Variants in CPVL observed in about 807,000 individuals in gnomAD.
The protein encoded by CPVL is probable serine carboxypeptidase CPVL.
A neutral mutation model predicts 63.7 loss-of-function variants in CPVL; 51 were observed. The ratio of observed to expected loss-of-function variants is 0.80; its 90% CI spans 0.64 to 1.01. The LOEUF (loss-of-function observed/expected upper bound fraction) is 1.01, where lower values mean the gene tolerates loss of function less well. Ranked by LOEUF, CPVL falls within the 50% of genes least tolerant of loss-of-function variation. The pLI is 0.00. For missense variants in CPVL, 530 were observed against 573.1 expected (o/e 0.92, Z 0.77); for synonymous variants, 195 against 206.0 (o/e 0.95, Z 0.46).
intron 3 of CPVL, among the ~76,000 whole-genome samples, chr7:29,105,468 C>G (rs2128623194): frequency 6.6e-6 from 1 of 152,270 alleles, no homozygotes; most frequent in Non-Finnish European, 1.5e-5. Context: ...TGGTCTCAGA[C>G]AGAATAGGGC....
intron 7 of CPVL, among the ~76,000 whole-genome samples, chr7:29,076,693 C>T (rs2128583292): frequency 6.6e-6 from 1 of 152,288 alleles, no homozygotes. Context: ...ATTTCGAGCT[C>T]ACCTCCAACA....
intron 7 of CPVL, among the ~76,000 whole-genome samples, chr7:29,077,842 C>T (rs1466799537): frequency 1.3e-5 from 2 of 152,126 alleles, no homozygotes; most frequent in South Asian, 2.1e-4. Flanking sequence ...AGCCACAAAA[C>T]CTGGTGAAAA....
chr7:29,062,975 A>C (rs770677423), intron 11 of CPVL, among the ~76,000 whole-genome samples: 33 of 152,270 alleles, frequency 2.2e-4, no homozygotes, highest in Middle Eastern at 3.4e-3. Context: ...GAGTTGCCCT[A>C]GAGACGATCC....
intron 11 of CPVL, among the ~76,000 whole-genome samples, chr7:29,057,805 G>T (rs1790889304): frequency 4.6e-5 from 7 of 152,098 alleles, no homozygotes; most frequent in Admixed American, 4.6e-4. Flanking sequence ...TCAAAGATCG[G>T]TTGACTATAT....
intron 5 of CPVL, among the ~76,000 whole-genome samples, chr7:29,171,484 G>A (rs889394025): frequency 2.0e-5 from 3 of 152,142 alleles, no homozygotes; most frequent in East Asian, 1.9e-4. Context: ...GATCCCAGAC[G>A]GAGAGGATTC....
chr7:29,044,519 G>A (rs1789431147), intron 11 of CPVL, among the ~76,000 whole-genome samples: 1 of 152,156 alleles, frequency 6.6e-6, no homozygotes, highest in Non-Finnish European at 1.5e-5. Flanking sequence ...TTTATTAGAT[G>A]GTGGTGGGCA....
chr7:28,998,802 A>G (rs1784335769), intron 12 of CPVL, among the ~76,000 whole-genome samples: 1 of 152,146 alleles, frequency 6.6e-6, no homozygotes, highest in African/African-American at 2.4e-5. Context: ...TCCCATCTCT[A>G]AATATAAATG....
chr7:29,058,283 A>C (rs10274311), intron 11 of CPVL, among the ~76,000 whole-genome samples: 92,417 of 151,878 alleles, frequency 0.61, 29,952 homozygotes, highest in Non-Finnish European at 0.73. Context: ...AAGGGTGCTA[A>C]TGTAAATAGT....
chr7:29,151,382 G>C (rs931789089), upstream of CPVL, among the ~76,000 whole-genome samples: 1 of 152,136 alleles, frequency 6.6e-6, no homozygotes, highest in African/African-American at 2.4e-5. Flanking sequence ...CAGGTGTTAA[G>C]GCTTTCTTAC....
At chr7:29,112,264 C>T (rs1788312086) in intron 3 of CPVL, among the ~76,000 whole-genome samples, 1 of 152,202 alleles carries the variant, frequency 6.6e-6, no homozygotes, top group Admixed American at 6.5e-5. Flanking sequence ...ACAGACAGCG[C>T]AGCTATACAA....
intron 4 of CPVL, 67 bp from the exon 5 acceptor site, chr7:29,095,209 G>A (rs1222910270): frequency 6.7e-6 from 9 of 1,341,232 alleles, no homozygotes; most frequent in Non-Finnish European, 9.7e-6. Context: ...CCTCATGGTG[G>A]TCAGAAGCCC....
At chr7:29,078,169 G>A (rs61412879) in intron 7 of CPVL, among the ~76,000 whole-genome samples, 16,054 of 152,068 alleles carry the variant, frequency 0.11, 1,067 homozygotes, top group Middle Eastern at 0.15. Context: ...TTTTTAATAT[G>A]GGCTTAAAAA....
chr7:29,091,585 G>C (rs1461894461), intron 6 of CPVL, among the ~76,000 whole-genome samples: 1 of 152,200 alleles, frequency 6.6e-6, no homozygotes, highest in Non-Finnish European at 1.5e-5. Context: ...TATGTCCCTA[G>C]GACCCCACTG....
chr7:28,998,279 T>A (rs1176599559), intron 12 of CPVL, among the ~76,000 whole-genome samples: 3 of 152,204 alleles, frequency 2.0e-5, no homozygotes, highest in African/African-American at 7.2e-5. Flanking sequence ...GGAAATGAGT[T>A]TGGCAGCAAT....
At chr7:29,167,906 C>T (rs964350896) in intron 5 of CPVL, among the ~76,000 whole-genome samples, 4 of 152,204 alleles carry the variant, frequency 2.6e-5, no homozygotes, top group Non-Finnish European at 5.9e-5. Flanking sequence ...AACCCCCATG[C>T]TTTCCTTCCC....
intron 1 of CPVL, among the ~76,000 whole-genome samples, chr7:29,190,129 T>C (rs147766797): frequency 3.1e-4 from 47 of 152,370 alleles, no homozygotes; most frequent in African/African-American, 1.1e-3. Flanking sequence ...CAATGCGTTC[T>C]CTTTCTCAGG....
chr7:29,153,533 C>G (rs1019771445), intron 5 of CPVL, among the ~76,000 whole-genome samples: 3 of 152,134 alleles, frequency 2.0e-5, no homozygotes, highest in Admixed American at 6.6e-5. Flanking sequence ...TGATCCAATT[C>G]CACTTAATGA....
At chr7:29,182,881 C>T (rs2128744578) in intron 4 of CPVL, among the ~76,000 whole-genome samples, 2 of 152,262 alleles carry the variant, frequency 1.3e-5, no homozygotes, top group South Asian at 2.1e-4. Flanking sequence ...AAAATCATGA[C>T]AGCCTGCTGC....
rs1455379266 is a variant in CPVL at position 29,077,483 on chromosome 7, A to C, written c.610-5060T>G. The stretch of plus-strand genomic sequence containing the variant: ...CCTTAGTTCCTACCCTTTGCCTGGC[A>C]GGTGGAAAGAGGGAGTTGTCAACTT... On this transcript the variant is annotated intron_variant, in intron 7 of 12. Transcript: ENST00000265394. Among the ~76,000 whole-genome samples the C allele has an allele frequency of 2.0e-5, 3 of 152,312 alleles. No homozygotes were observed. In the East Asian group the frequency reaches 5.8e-4, roughly 29 times the overall value.
Sources: allele counts gnomAD v4.1 joint callset (sites outside exome capture counted in the v4.1 genomes callset), GRCh38; gene constraint gnomAD v4.1.1; transcripts MANE v1.5; gene names NCBI Gene and HGNC (gene_info 2026-07-23, HGNC 2026-07-21).